PDSS2: variants seen among roughly 807,000 people sequenced by gnomAD.
PDSS2 encodes the protein all trans-polyprenyl-diphosphate synthase PDSS2.
In PDSS2, 31 loss-of-function variants were observed where a neutral mutation model predicts 44.5. The ratio of observed to expected loss-of-function variants is 0.70; its 90% CI spans 0.52 to 0.94. PDSS2 has a LOEUF of 0.94. PDSS2 is among the 40% of genes least tolerant of loss of function. The pLI is 0.00. For missense variants in PDSS2, 452 were observed against 482.2 expected (o/e 0.94, Z 0.59); for synonymous variants, 157 against 180.3 (o/e 0.87, Z 1.03).
chr6:107,275,254 C>A (rs1460532842), intron 2 of PDSS2, among the ~76,000 whole-genome samples: 2 of 152,128 alleles, frequency 1.3e-5, no homozygotes, highest in Non-Finnish European at 2.9e-5. Context: ...AAAAAATCAA[C>A]AGGTAATTAC....
chr6:107,170,613 C>T lies in PDSS2; in HGVS notation c.1042-15836G>A, dbSNP rs3885234. ...TTCGGCCATCTTGGAACCACCCCCC[C>T]CCCCCCACTTTTTTTTTTCTGAGAC... On this transcript the variant is annotated intron_variant, in intron 7 of 7. Coordinates refer to ENST00000369037, the MANE Select transcript of PDSS2 (RefSeq NM_020381.4). Among the ~76,000 whole-genome samples the T allele has an allele frequency of 3.3e-4, 19 of 58,286 alleles. No individual in the cohort carries two copies. In the South Asian group the frequency reaches 0.01, roughly 31 times the overall value. The allele number at this position is 58,286 out of a possible 152,430, so 38.2% of individuals were successfully genotyped here.
chr6:107,455,114 C>T (rs1358612341), intron 1 of PDSS2, among the ~76,000 whole-genome samples: 1 of 151,668 alleles, frequency 6.6e-6, no homozygotes, highest in Non-Finnish European at 1.5e-5. Context: ...CAAAAACTTA[C>T]TTATTCTGTG....
intron 7 of PDSS2, among the ~76,000 whole-genome samples, chr6:107,155,877 C>CTTT (rs60840656): frequency 2.1e-4 from 11 of 51,670 alleles, no homozygotes; most frequent in East Asian, 5.0e-4. Flanking sequence ...CTTGCCCGGC[C>CTTT]TTTTTTTTTT....
chr6:107,193,795 A>G (rs1183813887), intron 7 of PDSS2, 27 bp downstream of exon 7: 2 of 1,354,914 alleles, frequency 1.5e-6, no homozygotes, highest in African/African-American at 1.4e-5. Context: ...TGTGTAAAAT[A>G]GTACAGTATG....
rs540123924 is a variant in PDSS2, at chr6:107,288,435, C to T, written c.432-14208G>A. Among the ~76,000 whole-genome samples the T allele has an allele frequency of 1.6e-4, 25 of 151,916 alleles. No individual in the cohort carries two copies. In the East Asian group the frequency reaches 4.4e-3, roughly 27 times the overall value. ...TGAATGAGGAGCACAAGTTGATTTT[C>T]GGAGAAAAAGGAAAAACAATGAGAA... On this transcript the variant is annotated intron_variant, in intron 2 of 7. Coordinates refer to ENST00000369037, the MANE Select transcript of PDSS2 (RefSeq NM_020381.4).
At chr6:107,349,294 G>A (rs925141356) in intron 1 of PDSS2, among the ~76,000 whole-genome samples, 4 of 151,986 alleles carry the variant, frequency 2.6e-5, no homozygotes, top group Non-Finnish European at 4.4e-5. Flanking sequence ...TTAGCTGGGC[G>A]TGGTGGCGGG....
chr6:107,270,111 T>C (rs1271127197), intron 3 of PDSS2, among the ~76,000 whole-genome samples: 1 of 151,996 alleles, frequency 6.6e-6, no homozygotes, highest in Non-Finnish European at 1.5e-5. Context: ...AGTGTATTAT[T>C]ATTATTTTTT....
intron 1 of PDSS2, among the ~76,000 whole-genome samples, chr6:107,356,268 T>C (rs577116987): frequency 1.6e-4 from 25 of 152,352 alleles, no homozygotes; most frequent in African/African-American, 4.3e-4. Context: ...ATTCTCCACA[T>C]TGAACAAAAT....
At chr6:107,208,307 TTTTTTTTTA>T (rs1773075308) in intron 6 of PDSS2, among the ~76,000 whole-genome samples, 1 of 133,126 alleles carries the variant, frequency 7.5e-6, no homozygotes, top group African/African-American at 3.1e-5. Context: ...TTTTTTTTTT[TTTTTTTTTA>T]AAGACAGTCT....
chr6:107,248,516 T>TAAA (rs34881663), intron 3 of PDSS2, among the ~76,000 whole-genome samples: 1 of 122,240 alleles, frequency 8.2e-6, no homozygotes, highest in Admixed American at 8.4e-5. Flanking sequence ...AGGGAACTGT[T>TAAA]AAAAAAAAAA....
chr6:107,436,327 G>T (rs746165001), intron 1 of PDSS2, among the ~76,000 whole-genome samples: 5 of 152,082 alleles, frequency 3.3e-5, no homozygotes, highest in South Asian at 2.1e-4. Context: ...CATGAGAAGA[G>T]AAATTATCTG....
At chr6:107,408,994 T>C (rs1025333563) in intron 1 of PDSS2, among the ~76,000 whole-genome samples, 14 of 152,104 alleles carry the variant, frequency 9.2e-5, no homozygotes, top group Non-Finnish European at 1.8e-4. Flanking sequence ...AATAAATAAG[T>C]CAAAGGCATA....
intron 7 of PDSS2, among the ~76,000 whole-genome samples, chr6:107,174,689 A>G (rs1301281558): frequency 3.3e-5 from 5 of 152,222 alleles, no homozygotes; most frequent in Non-Finnish European, 7.3e-5. Flanking sequence ...ATTATTTGCA[A>G]GAGTCTATAG....
intron 1 of PDSS2, among the ~76,000 whole-genome samples, chr6:107,345,934 T>C (rs1197723644): frequency 6.6e-6 from 1 of 152,110 alleles, no homozygotes; most frequent in African/African-American, 2.4e-5. Context: ...GAGAAAAGAT[T>C]CCATGACTGG....
rs201549591 is a variant in PDSS2 at position 107,427,437 on chromosome 6, GATA to G, written c.296+31550_296+31552del. ...AATTGACTAATAGAGTCTTGTCCCT[GATA>G]CTTCCAAAATCTGCACTCATGATTT... On this transcript the variant is annotated intron_variant, in intron 1 of 7. Coordinates refer to ENST00000369037, the MANE Select transcript of PDSS2 (RefSeq NM_020381.4). Among the ~76,000 whole-genome samples, 789 of 152,206 alleles carry G rather than the reference GATA, an allele frequency of 5.2e-3. 27 individuals are homozygous for G. Among genetic ancestry groups the G allele is most frequent in the Admixed American group, 0.038 (574 of 15,290 alleles).
chr6:107,217,535 G>A (rs905301292), intron 4 of PDSS2, among the ~76,000 whole-genome samples: 16 of 152,016 alleles, frequency 1.1e-4, no homozygotes, highest in Middle Eastern at 3.4e-3. Flanking sequence ...TCTTGATTTA[G>A]TGACTTCTGA....
chr6:107,212,133 C>T lies in PDSS2; in HGVS notation c.852G>A (p.Gly284=). The change falls in exon 5 of 8, where the codon GGG becomes GGA. Residue 284 remains glycine (G), a synonymous_variant. Coordinates refer to ENST00000369037, the MANE Select transcript of PDSS2 (RefSeq NM_020381.4). ...AEVQNMAFQY[G]KHMAMSHKIN... Reference sequence around the variant, plus strand: ...CCTTATGACTCATGGCCATGTGCTTCCCATACTGAAATGCCATATTCTGAA... The same window carrying T: ...CCTTATGACTCATGGCCATGTGCTTTCCATACTGAAATGCCATATTCTGAA... 6.2e-7 allele frequency: 1 copy of T among 1,614,054 alleles called. No individual in the cohort carries two copies. Among genetic ancestry groups the T allele is most frequent in the Non-Finnish European group, 8.5e-7 (1 of 1,179,936 alleles).
intron 1 of PDSS2, among the ~76,000 whole-genome samples, chr6:107,344,757 A>G (rs1778188431): frequency 6.6e-6 from 1 of 152,192 alleles, no homozygotes; most frequent in Non-Finnish European, 1.5e-5. Context: ...GTATACTGAA[A>G]TATAACTGAA....
chr6:107,363,649 G>C (rs868750475), intron 1 of PDSS2, among the ~76,000 whole-genome samples: 1 of 152,332 alleles, frequency 6.6e-6, no homozygotes. Flanking sequence ...CTCCCACGGT[G>C]TGGAAGGGGA....
Sources: gnomAD v4.1 joint callset for allele counts (sites outside exome capture counted in the v4.1 genomes callset) on GRCh38, gnomAD v4.1.1 for gene constraint, MANE v1.5 for transcripts, NCBI Gene and HGNC (gene_info 2026-07-23, HGNC 2026-07-21) for gene names.